The following ACVR2A variants were observed in gnomAD, a reference collection of about 807,000 sequenced individuals.
The protein encoded by ACVR2A is activin A receptor type 2A.
ACVR2A carries 7 observed loss-of-function variants against 61.4 expected under a neutral mutation model. The observed-to-expected ratio is 0.11, with a 90% CI of 0.06 to 0.21. ACVR2A has a LOEUF of 0.21. Ranked by LOEUF, ACVR2A falls within the 10% of genes least tolerant of loss-of-function variation. The pLI is 1.00. For missense variants in ACVR2A, 322 were observed against 621.7 expected, an observed-to-expected ratio of 0.52 and a Z score of 5.13; for synonymous variants, 193 against 208.3, an observed-to-expected ratio of 0.93 and a Z score of 0.63.
intron 1 of ACVR2A, among the ~76,000 whole-genome samples, chr2:147,847,415 G>A (rs1278220613): frequency 1.3e-5 from 2 of 152,134 alleles, no homozygotes; most frequent in African/African-American, 4.8e-5. Flanking sequence ...CAAAATGTGT[G>A]ATCTGACATG....
intron 1 of ACVR2A, among the ~76,000 whole-genome samples, chr2:147,884,778 T>C (rs1401218554): frequency 6.6e-6 from 1 of 152,230 alleles, no homozygotes; most frequent in East Asian, 1.9e-4. Flanking sequence ...AGATATTGTA[T>C]ACCCCTTGTT....
intron 1 of ACVR2A, among the ~76,000 whole-genome samples, chr2:147,880,986 C>A (rs934369086): frequency 6.6e-6 from 1 of 152,082 alleles, no homozygotes; most frequent in Non-Finnish European, 1.5e-5. Flanking sequence ...GAAATCTATC[C>A]CTTTTATAAT....
At chr2:147,890,432 A>T (rs981814) in intron 1 of ACVR2A, among the ~76,000 whole-genome samples, 21,428 of 151,830 alleles carry the variant, frequency 0.14, 1,901 homozygotes, top group Middle Eastern at 0.23. Context: ...ATGTATGTGT[A>T]TATTTATATA....
At chr2:147,897,278 G>T (rs1686761157) in intron 2 of ACVR2A, among the ~76,000 whole-genome samples, 1 of 152,088 alleles carries the variant, frequency 6.6e-6, no homozygotes, top group African/African-American at 2.4e-5. Flanking sequence ...AAAGTGCTAG[G>T]ATTACAGATG....
chr2:147,899,450 A>G lies in ACVR2A; in HGVS notation c.264-8A>G, dbSNP rs760466186. 4.4e-6 allele frequency: 7 copies of G among 1,586,492 alleles called. No homozygotes were observed. The South Asian group carries it at 8.1e-5, about 18-fold the overall frequency. On this transcript the variant is annotated splice_polypyrimidine_tract_variant and splice_region_variant and intron_variant, in intron 2 of 10. Transcript: ENST00000241416. Reference sequence around the variant, plus strand: ...GATTTTAATTATTTTTTCTCTGCTTATTTATAGGACTGATTGTGTAGAAAA... The same window carrying G: ...GATTTTAATTATTTTTTCTCTGCTTGTTTATAGGACTGATTGTGTAGAAAA...
rs1687268620 is a variant in ACVR2A, at chr2:147,917,270, T to C, written c.673-13T>C. The C allele has an allele frequency of 1.2e-6, 2 of 1,609,680 alleles. No homozygotes were observed. On this transcript the variant is annotated splice_polypyrimidine_tract_variant and intron_variant, in intron 5 of 10. Transcript: ENST00000241416. ...TTCCTTGTGTTCTTACTATTCTTTC[T>C]TTTTGACTCTAGGACAAACAGTCAT... is the stretch of plus-strand genomic sequence containing the variant.
intron 1 of ACVR2A, among the ~76,000 whole-genome samples, chr2:147,852,577 T>C (rs1685473520): frequency 6.6e-6 from 1 of 152,118 alleles, no homozygotes; most frequent in South Asian, 2.1e-4. Context: ...TAGGGAAAAC[T>C]GGTCTCAAGG....
upstream of ACVR2A, chr2:147,844,759 G>C: frequency 6.4e-6 from 1 of 157,160 alleles, no homozygotes; most frequent in South Asian, 2.0e-4. Flanking sequence ...GGCGGCAGCG[G>C]ACGCCGCTGC....
At chr2:147,855,829 A>G (rs906425241) in intron 1 of ACVR2A, among the ~76,000 whole-genome samples, 5 of 152,168 alleles carry the variant, frequency 3.3e-5, no homozygotes, top group South Asian at 2.1e-4. Context: ...GATTTTGTAC[A>G]TTTGCTAATT....
intron 1 of ACVR2A, among the ~76,000 whole-genome samples, chr2:147,854,416 C>T (rs761315507): frequency 3.4e-4 from 51 of 152,216 alleles, no homozygotes; most frequent in Non-Finnish European, 6.8e-4. Context: ...GAAAGATTCT[C>T]AAGTCTGTTT....
intron 4 of ACVR2A, chr2:147,902,761 AG>A (rs1172493452): frequency 6.6e-6 from 1 of 151,964 alleles, no homozygotes; most frequent in African/African-American, 2.4e-5. Context: ...GGGTAGGAGA[AG>A]TAGGAGAGAG....
At chr2:147,918,412 AG>A in intron 6 of ACVR2A, 34 bp from the exon 7 acceptor site, 2 of 1,584,076 alleles carry the variant, frequency 1.3e-6, no homozygotes, top group South Asian at 2.3e-5. Context: ...GCCTTTGTCA[AG>A]AACATAAGTT....
chr2:147,885,203 A>G (rs770501107), intron 1 of ACVR2A, among the ~76,000 whole-genome samples: 2 of 152,134 alleles, frequency 1.3e-5, no homozygotes, highest in Non-Finnish European at 2.9e-5. Context: ...AGTATTAAGC[A>G]AAGTTTTCTC....
At chr2:147,845,024 TTTTG>T, upstream of ACVR2A, 1 of 262,048 alleles carries the variant, frequency 3.8e-6, no homozygotes, top group Non-Finnish European at 7.1e-6. Context: ...TTTTTTTTTT[TTTTG>T]GTCTGGGCTT....
intron 1 of ACVR2A, among the ~76,000 whole-genome samples, chr2:147,859,138 C>T (rs1244847231): frequency 6.6e-6 from 1 of 152,110 alleles, no homozygotes; most frequent in Non-Finnish European, 1.5e-5. Context: ...GTGTTTTAGT[C>T]TAGCAATACA....
chr2:147,922,683 A>G (rs911705783), intron 8 of ACVR2A, among the ~76,000 whole-genome samples: 2 of 152,154 alleles, frequency 1.3e-5, no homozygotes, highest in Non-Finnish European at 2.9e-5. Context: ...ACAGTATGCA[A>G]AGGTACAGTT....
Position 147,920,252 on chromosome 2 carries a change from C to G in ACVR2A, c.985C>G (p.Leu329Val), listed in dbSNP as rs773498226. 1.2e-6 allele frequency: 2 copies of G among 1,613,054 alleles called. No homozygotes were observed. The highest frequency in any genetic ancestry group is 1.7e-6 in the Non-Finnish European group (2 of 1,179,372). ...AAGGGACATCAAAAGTAAAAATGTG[C>G]TGTTGAAAAACAACCTGACAGCTTG... ...SHRDIKSKNV[L>V]LKNNLTACIA... is the part of the protein sequence containing the mutation. Residue 329 changes from leucine (L) to valine (V), a missense_variant, in exon 8 of 11, where the codon CTG (leucine) becomes GTG (valine). Physicochemically the swap from Leu to Val is conservative, Grantham distance 32. Around this residue, in one of 3 missense-constraint regions of ACVR2A, gnomAD observed 146 missense variants for 383.8 expected, o/e 0.38. Coordinates refer to ENST00000241416, the MANE Select transcript of ACVR2A (RefSeq NM_001616.5).
chr2:147,916,260 G>T (rs1687247658), intron 5 of ACVR2A, among the ~76,000 whole-genome samples: 1 of 151,610 alleles, frequency 6.6e-6, no homozygotes, highest in Admixed American at 6.6e-5. Flanking sequence ...AGTGTATTCT[G>T]TTGTGCCAAG....
rs1687607613 is a variant in ACVR2A, at chr2:147,929,613, T to C, written c.*2339T>C. The C allele has an allele frequency of 6.6e-6, 1 of 152,430 alleles. No homozygotes were observed. Among genetic ancestry groups the C allele is most frequent in the African/African-American group, 2.4e-5 (1 of 41,420 alleles). The allele number at this position is 152,430 out of a possible 1,614,324, so 9.4% of individuals were successfully genotyped here. A position where few individuals can be genotyped will look rare whatever the true frequency, so the allele number is the denominator to read the frequency against. ...AAGCAGTAAAATAAGAATGTTCCAGTGACTACCTGTCCTTATACCTAGTCT... is the reference window on the plus strand; with the variant it reads ...AAGCAGTAAAATAAGAATGTTCCAGCGACTACCTGTCCTTATACCTAGTCT... On this transcript the variant is annotated 3_prime_UTR_variant, in exon 11 of 11. Coordinates refer to ENST00000241416, the MANE Select transcript of ACVR2A (RefSeq NM_001616.5).
Sources: gnomAD v4.1 joint callset for allele counts (sites outside exome capture counted in the v4.1 genomes callset) on GRCh38, gnomAD v4.1.1 for gene constraint, gnomAD v4.1.1 regional missense constraint, MANE v1.5 for transcripts, NCBI Gene and HGNC (gene_info 2026-07-23, HGNC 2026-07-21) for gene names.